Variants in KCNK13 observed in about 807,000 individuals in gnomAD.
KCNK13 encodes the protein potassium channel subfamily K member 13.
In KCNK13, 12 loss-of-function variants were observed where a neutral mutation model predicts 23.4. The ratio of observed to expected loss-of-function variants is 0.51; its 90% confidence interval spans 0.33 to 0.83. The LOEUF (loss-of-function observed/expected upper bound fraction) is 0.83, where lower values mean the gene tolerates loss of function less well. Ranked by LOEUF, KCNK13 falls within the 40% of genes least tolerant of loss-of-function variation. The probability of loss-of-function intolerance (pLI) is 0.02; values close to 1 mark genes in which losing one functional copy is unlikely to be tolerated. For synonymous variants in KCNK13, 231 were observed against 229.5 expected (o/e 1.01, Z -0.06); for missense variants, 463 against 556.3 (o/e 0.83, Z 1.69).
At chr14:90,088,944 C>G (rs1387291022) in intron 1 of KCNK13, among the ~76,000 whole-genome samples, 1 of 152,204 alleles carries the variant, frequency 6.6e-6, no homozygotes, top group Non-Finnish European at 1.5e-5. Flanking sequence ...TCCTTGTCTT[C>G]TGCCATGATT....
chr14:90,142,502 T>C (rs1478270856), intron 1 of KCNK13, among the ~76,000 whole-genome samples: 2 of 151,736 alleles, frequency 1.3e-5, no homozygotes, highest in African/African-American at 4.8e-5. Flanking sequence ...TTATTTTTAG[T>C]AGAGATGGGG....
chr14:90,117,218 G>A (rs1889687071), intron 1 of KCNK13, among the ~76,000 whole-genome samples: 1 of 152,158 alleles, frequency 6.6e-6, no homozygotes, highest in South Asian at 2.1e-4. Flanking sequence ...TGGACAAAGG[G>A]ATGAACATGT....
intron 1 of KCNK13, among the ~76,000 whole-genome samples, chr14:90,164,746 T>C (rs1481533282): frequency 1.3e-5 from 2 of 152,212 alleles, no homozygotes; most frequent in East Asian, 1.9e-4. Flanking sequence ...TTTGTATCCC[T>C]GGGCCATGCT....
chr14:90,152,185 G>C (rs1890140706), intron 1 of KCNK13, among the ~76,000 whole-genome samples: 4 of 152,176 alleles, frequency 2.6e-5, no homozygotes, highest in Admixed American at 2.0e-4. Flanking sequence ...CACGAGATCT[G>C]ATGGTTTTAT....
intron 1 of KCNK13, among the ~76,000 whole-genome samples, chr14:90,120,414 T>A (rs916098517): frequency 6.6e-6 from 1 of 152,134 alleles, no homozygotes; most frequent in Non-Finnish European, 1.5e-5. Flanking sequence ...GGGTAACTTA[T>A]AAAGAAAAGA....
At chr14:90,114,628 A>G (rs909843631) in intron 1 of KCNK13, among the ~76,000 whole-genome samples, 1 of 152,184 alleles carries the variant, frequency 6.6e-6, no homozygotes, top group African/African-American at 2.4e-5. Flanking sequence ...ATGCTTGCAC[A>G]TGTATATTGC....
At chr14:90,078,539 TAC>T (rs1443180190) in intron 1 of KCNK13, among the ~76,000 whole-genome samples, 1 of 149,842 alleles carries the variant, frequency 6.7e-6, no homozygotes, top group Non-Finnish European at 1.5e-5. Context: ...ATGCTTGGAA[TAC>T]ACAGTGATGT....
chr14:90,119,757 G>A (rs568861091), intron 1 of KCNK13, among the ~76,000 whole-genome samples: 3 of 152,164 alleles, frequency 2.0e-5, no homozygotes, highest in Admixed American at 6.5e-5. Flanking sequence ...CCAACACCAC[G>A]CCTGGCTAAT....
chr14:90,131,847 G>A (rs1001423665), intron 1 of KCNK13, among the ~76,000 whole-genome samples: 2 of 152,216 alleles, frequency 1.3e-5, no homozygotes, highest in African/African-American at 4.8e-5. Flanking sequence ...ATGTAAAATG[G>A]TGCAACGGCT....
intron 1 of KCNK13, chr14:90,177,398 A>G (rs1451134020): frequency 6.6e-6 from 1 of 152,208 alleles, no homozygotes; most frequent in Non-Finnish European, 1.5e-5. Context: ...TCACCTCGAA[A>G]TAACCTGATT....
intron 1 of KCNK13, among the ~76,000 whole-genome samples, chr14:90,141,071 T>G (rs572126403): frequency 6.6e-6 from 1 of 152,266 alleles, no homozygotes; most frequent in African/African-American, 2.4e-5. Flanking sequence ...TCCTGGACAC[T>G]GTAGCTTCCC....
intron 1 of KCNK13, among the ~76,000 whole-genome samples, chr14:90,093,794 A>G (rs1296969849): frequency 6.6e-6 from 1 of 152,112 alleles, no homozygotes; most frequent in African/African-American, 2.4e-5. Flanking sequence ...TCATGGGTGG[A>G]GATTTATGTC....
chr14:90,104,685 C>G (rs879325594), intron 1 of KCNK13, among the ~76,000 whole-genome samples: 1 of 151,076 alleles, frequency 6.6e-6, no homozygotes, highest in African/African-American at 2.4e-5. Context: ...AAGGGAGACG[C>G]CATCCTACCC....
At chr14:90,079,563 A>G (rs554017091) in intron 1 of KCNK13, among the ~76,000 whole-genome samples, 5 of 152,268 alleles carry the variant, frequency 3.3e-5, no homozygotes, top group Non-Finnish European at 5.9e-5. Context: ...AGAGCCTGCA[A>G]CTGCTGGGAG....
At chr14:90,129,142 C>G (rs1036604493) in intron 1 of KCNK13, among the ~76,000 whole-genome samples, 1 of 152,184 alleles carries the variant, frequency 6.6e-6, no homozygotes, top group African/African-American at 2.4e-5. Context: ...TAGTCTCAAT[C>G]TTAGGTTTCC....
chr14:90,103,133 A>G (rs186451223), intron 1 of KCNK13, among the ~76,000 whole-genome samples: 1 of 152,320 alleles, frequency 6.6e-6, no homozygotes, highest in Non-Finnish European at 1.5e-5. Flanking sequence ...AGGCTGCATA[A>G]TATTCCATGT....
At chr14:90,064,035 A>G (rs1221026995) in intron 1 of KCNK13, among the ~76,000 whole-genome samples, 1 of 152,142 alleles carries the variant, frequency 6.6e-6, no homozygotes, top group Non-Finnish European at 1.5e-5. Context: ...TGAAGGAGGA[A>G]TAACACCCCC....
At chr14:90,075,086 T>G (rs1346465818) in intron 1 of KCNK13, among the ~76,000 whole-genome samples, 1 of 152,172 alleles carries the variant, frequency 6.6e-6, no homozygotes, top group African/African-American at 2.4e-5. Flanking sequence ...TAATATTTGG[T>G]TTCATTGGTA....
chr14:90,064,376 T>C (rs1888983418), intron 1 of KCNK13, among the ~76,000 whole-genome samples: 1 of 149,750 alleles, frequency 6.7e-6, no homozygotes. Flanking sequence ...AGAGTGTGTG[T>C]GTGGACAGGT....
Sources: allele counts gnomAD v4.1 joint callset (sites outside exome capture counted in the v4.1 genomes callset), GRCh38; gene constraint gnomAD v4.1.1; transcripts MANE v1.5; gene names NCBI Gene and HGNC (gene_info 2026-07-23, HGNC 2026-07-21).